Variants in RASGEF1C observed in about 807,000 individuals in gnomAD.
RASGEF1C encodes the protein ras-GEF domain-containing family member 1C.
Under a neutral mutation model 58.1 loss-of-function variants are expected in RASGEF1C, and 27 were observed. The ratio of observed to expected loss-of-function variants is 0.46; its 90% CI spans 0.34 to 0.64. The LOEUF is 0.64. RASGEF1C is among the 30% of genes least tolerant of loss of function. The probability of loss-of-function intolerance (pLI) is 0.01; values close to 1 mark genes in which losing one functional copy is unlikely to be tolerated. For missense variants in RASGEF1C, 502 were observed against 605.1 expected (o/e 0.83, Z 1.79); for synonymous variants, 243 against 246.3 (o/e 0.99, Z 0.13).
At chr5:180,166,028 C>T (rs980561446) in intron 1 of RASGEF1C, among the ~76,000 whole-genome samples, 7 of 152,046 alleles carry the variant, frequency 4.6e-5, no homozygotes, top group Non-Finnish European at 8.8e-5. Context: ...GGATTACAGG[C>T]GTGAGCCACC....
At position 180,195,721 on chromosome 5, in the gene RASGEF1C, CACT is replaced by C. The variant is rs369235848; in HGVS notation, c.-7+13304_-7+13306del. Among the ~76,000 whole-genome samples, 401 of 151,770 alleles carry C rather than the reference CACT, an allele frequency of 2.6e-3. 2 individuals are homozygous for C. The highest frequency in any genetic ancestry group is 6.6e-3 in the East Asian group (34 of 5,142). On this transcript the variant is annotated intron_variant, in intron 1 of 13. Coordinates refer to ENST00000361132, the MANE Select transcript of RASGEF1C (RefSeq NM_175062.4). ...AGCTTGCAGTGAGCCGAGATCACAC[CACT>C]ACTGCACTCCAGCCTGGGCGACAGA...
At chr5:180,145,136 A>G (rs1335875868) in intron 1 of RASGEF1C, among the ~76,000 whole-genome samples, 1 of 151,822 alleles carries the variant, frequency 6.6e-6, no homozygotes, top group Non-Finnish European at 1.5e-5. Context: ...TTTAATTTTT[A>G]TTTTGAGACG....
intron 12 of RASGEF1C, among the ~76,000 whole-genome samples, chr5:180,108,103 C>T (rs1765898327): frequency 6.6e-6 from 1 of 152,080 alleles, no homozygotes; most frequent in Non-Finnish European, 1.5e-5. Flanking sequence ...GTCCTGCCCT[C>T]TTTTTCCTCT....
intron 1 of RASGEF1C, among the ~76,000 whole-genome samples, chr5:180,164,240 T>C (rs1409526330): frequency 2.0e-5 from 3 of 152,330 alleles, no homozygotes; most frequent in South Asian, 4.1e-4. Context: ...TCCACACTTA[T>C]TTTTTATCAT....
intron 1 of RASGEF1C, among the ~76,000 whole-genome samples, chr5:180,179,068 C>T (rs568404012): frequency 4.6e-5 from 7 of 152,110 alleles, no homozygotes; most frequent in African/African-American, 1.7e-4. Flanking sequence ...TCTCTGCCTG[C>T]TGAGTGAAGA....
Position 180,158,392 on chromosome 5 carries a change from G to A in RASGEF1C, c.-6-20334C>T, listed in dbSNP as rs1766882946. On this transcript the variant is annotated intron_variant, in intron 1 of 13. Coordinates refer to ENST00000361132, the MANE Select transcript of RASGEF1C (RefSeq NM_175062.4). The surrounding 1 kb of genome is among the most constrained non-coding windows in gnomAD (Gnocchi z 4.0). Reference sequence around the variant, plus strand: ...TACTCTAGTAGCTTTTTGAGAAGAGGTGCTTAGGAAGTAAATGTTTAAGAT... The same window carrying A: ...TACTCTAGTAGCTTTTTGAGAAGAGATGCTTAGGAAGTAAATGTTTAAGAT... Among the ~76,000 whole-genome samples the A allele has an allele frequency of 6.6e-6, 1 of 152,140 alleles. No homozygotes were observed. The highest frequency in any genetic ancestry group is 1.5e-5 in the Non-Finnish European group (1 of 68,026).
At chr5:180,164,865 T>C (rs1349614912) in intron 1 of RASGEF1C, among the ~76,000 whole-genome samples, 1 of 152,210 alleles carries the variant, frequency 6.6e-6, no homozygotes, top group Non-Finnish European at 1.5e-5. Flanking sequence ...AAGAGAGGAG[T>C]GTTGAAGTCT....
intron 4 of RASGEF1C, among the ~76,000 whole-genome samples, chr5:180,129,593 G>A (rs1006749536): frequency 6.6e-6 from 1 of 152,206 alleles, no homozygotes; most frequent in Admixed American, 6.5e-5. Flanking sequence ...TGCAGGCTCT[G>A]TGTGTCTCAA....
At position 180,178,446 on chromosome 5, in the gene RASGEF1C, ATTG is replaced by A. The variant is rs1357860102; in HGVS notation, c.-7+30579_-7+30581del. Among the ~76,000 whole-genome samples the A allele has an allele frequency of 5.3e-5, 8 of 149,542 alleles. No homozygotes were observed. In the East Asian group the frequency reaches 1.4e-3, roughly 26 times the overall value. The stretch of plus-strand genomic sequence containing the variant: ...AGGCATGTACTACCACTCCAGGCTA[ATTG>A]TTGTATTTTTAGTAGAGACGGGGTT... On this transcript the variant is annotated intron_variant, in intron 1 of 13. Transcript: ENST00000361132.
chr5:180,204,513 CAG>C (rs780654672), intron 1 of RASGEF1C, among the ~76,000 whole-genome samples: 18 of 152,164 alleles, frequency 1.2e-4, no homozygotes, highest in Non-Finnish European at 2.4e-4. Context: ...TACTAGTAAT[CAG>C]GAGAAATATC....
chr5:180,136,230 T>C (rs1220803232), intron 4 of RASGEF1C, 148 bp downstream of exon 4: 1 of 826,142 alleles, frequency 1.2e-6, no homozygotes, highest in Non-Finnish European at 1.8e-6. Flanking sequence ...CAGTGCCTGA[T>C]TCCTTGATAG....
Position 180,101,446 on chromosome 5 carries a change from G to T in RASGEF1C, c.*55C>A. On this transcript the variant is annotated 3_prime_UTR_variant, in exon 14 of 14. Transcript: ENST00000361132. ...CTGCCCACTGGGCCACTGAGGCAGG[G>T]CTGTGGACGGCTTCTGCGGGCTCCA... 1 of 1,600,524 alleles carries T rather than the reference G, an allele frequency of 6.2e-7. No individual in the cohort carries two copies. Among genetic ancestry groups the T allele is most frequent in the Non-Finnish European group, 8.5e-7 (1 of 1,176,504 alleles).
At chr5:180,108,584 C>T (rs961129818) in intron 12 of RASGEF1C, among the ~76,000 whole-genome samples, 1 of 152,096 alleles carries the variant, frequency 6.6e-6, no homozygotes, top group African/African-American at 2.4e-5. Flanking sequence ...TTTCCTCTGC[C>T]TTCTTTATTC....
In RASGEF1C at chr5:180,137,315, G is replaced by A. The variant is rs979822921; in HGVS notation, c.300+275C>T. Among the ~76,000 whole-genome samples the A allele has an allele frequency of 6.6e-6, 1 of 152,158 alleles. No homozygotes were observed. The stretch of plus-strand genomic sequence containing the variant: ...CCCACCAGAGGCAGCAGGCCCTCCC[G>A]GCCACAGATGGGTCCTACTGACCGG... On this transcript the variant is annotated intron_variant, in intron 3 of 13. Transcript: ENST00000361132. The surrounding 1 kb of genome is among the most constrained non-coding windows in gnomAD (Gnocchi z 4.1).
chr5:180,196,808 T>C (rs565373462), intron 1 of RASGEF1C, among the ~76,000 whole-genome samples: 3 of 152,328 alleles, frequency 2.0e-5, no homozygotes, highest in South Asian at 2.1e-4. Context: ...AACAGGTATT[T>C]CTCTGTTTAT....
intron 11 of RASGEF1C, among the ~76,000 whole-genome samples, chr5:180,113,554 G>A (rs111161630): frequency 3.1e-5 from 2 of 64,606 alleles, no homozygotes; most frequent in African/African-American, 6.7e-5. Flanking sequence ...GGAGGGATCC[G>A]GGATGGACGG....
At chr5:180,134,686 A>G (rs1766435172) in intron 4 of RASGEF1C, among the ~76,000 whole-genome samples, 1 of 149,358 alleles carries the variant, frequency 6.7e-6, no homozygotes, top group African/African-American at 2.5e-5. Context: ...TTGCCTACCC[A>G]TCGGTCCACC....
At chr5:180,173,739 C>A (rs568358782) in intron 1 of RASGEF1C, among the ~76,000 whole-genome samples, 1 of 151,934 alleles carries the variant, frequency 6.6e-6, no homozygotes, top group African/African-American at 2.4e-5. Flanking sequence ...ATGGTGAAAC[C>A]CCGTCTCTAC....
intron 11 of RASGEF1C, among the ~76,000 whole-genome samples, chr5:180,112,191 G>A (rs369283515): frequency 6.6e-6 from 1 of 152,182 alleles, no homozygotes; most frequent in Non-Finnish European, 1.5e-5. Flanking sequence ...TGTCACCTGC[G>A]GAGGAGGATC....
Sources: gnomAD v4.1 joint callset for allele counts (sites outside exome capture counted in the v4.1 genomes callset) on GRCh38, gnomAD v4.1.1 for gene constraint, Gnocchi (gnomAD v3.1) non-coding constraint, MANE v1.5 for transcripts, NCBI Gene and HGNC (gene_info 2026-07-23, HGNC 2026-07-21) for gene names.